LAPTM4B: variants seen among roughly 807,000 people sequenced by gnomAD.
LAPTM4B encodes the protein lysosomal protein transmembrane 4 beta.
A neutral mutation model predicts 28.5 loss-of-function variants in LAPTM4B; 26 were observed. The ratio of observed to expected loss-of-function variants is 0.91; its 90% confidence interval spans 0.67 to 1.27. LAPTM4B has a LOEUF of 1.27. Ranked by LOEUF, LAPTM4B falls within the 50% of genes most tolerant of loss-of-function variation. The probability of loss-of-function intolerance (pLI) is 0.00; values close to 1 mark genes in which losing one functional copy is unlikely to be tolerated. For synonymous variants in LAPTM4B, 109 were observed against 106.4 expected (o/e 1.02, Z -0.15); for missense variants, 288 against 285.8 (o/e 1.01, Z -0.06).
chr8:97,777,785 G>T (rs950689536), intron 1 of LAPTM4B, among the ~76,000 whole-genome samples: 1 of 152,182 alleles, frequency 6.6e-6, no homozygotes, highest in East Asian at 1.9e-4. Flanking sequence ...TAAAAGCCAA[G>T]AAATTCTTTA....
chr8:97,789,204 G>T (rs1319814505), intron 1 of LAPTM4B, among the ~76,000 whole-genome samples: 1 of 151,620 alleles, frequency 6.6e-6, no homozygotes, highest in Admixed American at 6.6e-5. Context: ...CTCCCAAGTA[G>T]CTGGGATTAC....
intron 1 of LAPTM4B, among the ~76,000 whole-genome samples, chr8:97,801,843 C>CAAAAA (rs34138394): frequency 1.5e-5 from 2 of 131,364 alleles, no homozygotes; most frequent in Non-Finnish European, 3.2e-5. Context: ...AACTCCATCT[C>CAAAAA]AAAAAAAAAA....
chr8:97,835,715 C>T (rs932127561), intron 6 of LAPTM4B, among the ~76,000 whole-genome samples: 1 of 152,154 alleles, frequency 6.6e-6, no homozygotes, highest in Non-Finnish European at 1.5e-5. Context: ...TGCCTTGGAG[C>T]CCCCTTTCTT....
intron 2 of LAPTM4B, among the ~76,000 whole-genome samples, chr8:97,810,541 AAGG>A (rs1206786909): frequency 6.6e-6 from 1 of 152,212 alleles, no homozygotes. Flanking sequence ...TCAGAATAAA[AAGG>A]TAAAGCACAG....
chr8:97,778,013 T>A (rs551079960), intron 1 of LAPTM4B, among the ~76,000 whole-genome samples: 1 of 152,338 alleles, frequency 6.6e-6, no homozygotes, highest in African/African-American at 2.4e-5. Flanking sequence ...TAAATCCTAC[T>A]TGAGCCCTGT....
chr8:97,830,647 G>A (rs762338612), intron 6 of LAPTM4B, among the ~76,000 whole-genome samples: 5 of 152,132 alleles, frequency 3.3e-5, no homozygotes, highest in African/African-American at 4.8e-5. Flanking sequence ...TTAGGCTGGT[G>A]GTCAGATGGG....
intron 6 of LAPTM4B, among the ~76,000 whole-genome samples, chr8:97,846,499 G>C (rs1363383852): frequency 6.6e-6 from 1 of 151,962 alleles, no homozygotes; most frequent in Non-Finnish European, 1.5e-5. Flanking sequence ...AGCTAACTTT[G>C]TATTTTTAGT....
intron 6 of LAPTM4B, among the ~76,000 whole-genome samples, chr8:97,834,160 C>CAAAAAAAAAAAAAAAAAAAAAAAAA: frequency 1.6e-5 from 1 of 62,280 alleles, no homozygotes. Context: ...AAAAAAAAAT[C>CAAAAAAAAAAAAAAAAAAAAAAAAA]CAGGTGGCAT....
At chr8:97,800,190 A>G (rs1659275361) in intron 1 of LAPTM4B, among the ~76,000 whole-genome samples, 1 of 152,188 alleles carries the variant, frequency 6.6e-6, no homozygotes, top group African/African-American at 2.4e-5. Flanking sequence ...ATATATGATC[A>G]GTAGACTCCA....
At chr8:97,798,717 T>C (rs1023554329) in intron 1 of LAPTM4B, among the ~76,000 whole-genome samples, 4 of 152,112 alleles carry the variant, frequency 2.6e-5, no homozygotes, top group African/African-American at 9.7e-5. Flanking sequence ...CCATGTGATG[T>C]GTTACAGAGA....
chr8:97,807,905 A>G (rs1241792576), intron 2 of LAPTM4B, among the ~76,000 whole-genome samples: 1 of 148,916 alleles, frequency 6.7e-6, no homozygotes, highest in South Asian at 2.1e-4. Flanking sequence ...AAAAAAAAAA[A>G]AAGGAAAAGT....
At chr8:97,817,057 G>A (rs191830026) in intron 4 of LAPTM4B, among the ~76,000 whole-genome samples, 17 of 152,286 alleles carry the variant, frequency 1.1e-4, no homozygotes, top group East Asian at 5.8e-4. Flanking sequence ...ACTAGTTTAC[G>A]GTTAAATGTC....
At chr8:97,789,110 G>A (rs901671278) in intron 1 of LAPTM4B, among the ~76,000 whole-genome samples, 1 of 151,312 alleles carries the variant, frequency 6.6e-6, no homozygotes, top group African/African-American at 2.4e-5. Flanking sequence ...TTTTGCTCTT[G>A]TTGCCCAGGC....
intron 1 of LAPTM4B, among the ~76,000 whole-genome samples, chr8:97,789,017 C>T (rs991686159): frequency 6.6e-6 from 1 of 150,426 alleles, no homozygotes; most frequent in Non-Finnish European, 1.5e-5. Flanking sequence ...TTTTGGAAAA[C>T]ATCTTCATTT....
chr8:97,807,241 G>T (rs1227193593), intron 2 of LAPTM4B, among the ~76,000 whole-genome samples: 1 of 152,178 alleles, frequency 6.6e-6, no homozygotes, highest in Non-Finnish European at 1.5e-5. Flanking sequence ...CAAGATAGGA[G>T]TGACTTTATA....
intron 4 of LAPTM4B, among the ~76,000 whole-genome samples, chr8:97,818,287 C>T (rs1034358980): frequency 6.6e-6 from 1 of 152,178 alleles, no homozygotes; most frequent in Non-Finnish European, 1.5e-5. Flanking sequence ...TGTTCTTCCT[C>T]AACATTGGAA....
At chr8:97,788,664 T>C (rs985869868) in intron 1 of LAPTM4B, among the ~76,000 whole-genome samples, 1 of 151,998 alleles carries the variant, frequency 6.6e-6, no homozygotes, top group Admixed American at 6.6e-5. Context: ...AAAATTTCCT[T>C]TGTTAAGGGT....
chr8:97,832,863 C>G (rs1257186166), intron 6 of LAPTM4B, among the ~76,000 whole-genome samples: 1 of 149,628 alleles, frequency 6.7e-6, no homozygotes, highest in Non-Finnish European at 1.5e-5. Context: ...CGCACCGCCA[C>G]GCCTGGCTGA....
intron 6 of LAPTM4B, among the ~76,000 whole-genome samples, chr8:97,842,849 T>C (rs2129849824): frequency 6.7e-6 from 1 of 150,192 alleles, no homozygotes; most frequent in East Asian, 2.0e-4. Flanking sequence ...GATATCTTTT[T>C]CCTGCAGAAG....
Sources: allele counts gnomAD v4.1 joint callset (sites outside exome capture counted in the v4.1 genomes callset), GRCh38; gene constraint gnomAD v4.1.1; transcripts MANE v1.5; gene names NCBI Gene and HGNC (gene_info 2026-07-23, HGNC 2026-07-21).